TMEFF1: variants seen among roughly 807,000 people sequenced by gnomAD.
TMEFF1 encodes the protein tomoregulin-1.
In TMEFF1, 20 loss-of-function variants were observed where a neutral mutation model predicts 47.5. The ratio of observed to expected loss-of-function variants is 0.42; its 90% CI spans 0.30 to 0.61. TMEFF1 has a LOEUF of 0.61. Among genes scored for constraint, TMEFF1 ranks in the 20% least tolerant of loss-of-function variants. TMEFF1 has a pLI of 0.19. For synonymous variants in TMEFF1, 162 were observed against 166.3 expected (o/e 0.97, Z 0.20); for missense variants, 411 against 471.1 (o/e 0.87, Z 1.18).
At position 100,526,800 on chromosome 9, in the gene TMEFF1, A is replaced by G. The variant is rs536414181; in HGVS notation, c.560+10029A>G. Among the ~76,000 whole-genome samples the G allele has an allele frequency of 1.3e-5, 2 of 151,620 alleles. 1 individual carries two copies. The highest frequency in any genetic ancestry group is 4.8e-5 in the African/African-American group (2 of 41,338). On this transcript the variant is annotated intron_variant, in intron 5 of 9. Transcript: ENST00000374879. ...GGGAGTGTTTTTTTCTAGTCTCTGG[A>G]TGACTTTGTGTAAGAGTGAAATTAT...
rs540883401 is a variant in TMEFF1, at chr9:100,529,885, C to A, written c.560+13114C>A. Among the ~76,000 whole-genome samples the A allele has an allele frequency of 2.0e-3, 308 of 152,250 alleles. 2 individuals are homozygous for A. The highest frequency in any genetic ancestry group is 2.7e-3 in the Non-Finnish European group (185 of 68,028). On this transcript the variant is annotated intron_variant, in intron 5 of 9. Transcript: ENST00000374879. ...AAATGTAAAAGAACAGAAATTATAA[C>A]AAATTATCTCTCAGACCGCAGTGCA...
At chr9:100,526,030 C>T (rs995944456) in intron 5 of TMEFF1, among the ~76,000 whole-genome samples, 1 of 152,140 alleles carries the variant, frequency 6.6e-6, no homozygotes, top group African/African-American at 2.4e-5. Flanking sequence ...ATTTTAAAAA[C>T]GTTTGAGACC....
Position 100,560,984 on chromosome 9 carries a change from A to G in TMEFF1, c.776-413A>G, listed in dbSNP as rs182848488. ...TGTCATTCAGTGTTCTTTGGCCTCA[A>G]TTTCATAGCCCTCAAATAAATGATT... On this transcript the variant is annotated intron_variant, in intron 7 of 9. Transcript: ENST00000374879. Among the ~76,000 whole-genome samples the G allele has an allele frequency of 3.3e-5, 5 of 152,258 alleles. No individual in the cohort carries two copies. In the East Asian group the frequency reaches 5.8e-4, roughly 18 times the overall value.
intron 7 of TMEFF1, among the ~76,000 whole-genome samples, chr9:100,559,404 G>A (rs867028024): frequency 2.6e-5 from 4 of 152,244 alleles, no homozygotes; most frequent in Middle Eastern, 3.4e-3. Context: ...TTAGTGATCT[G>A]TTTTGCACTT....
Position 100,473,388 on chromosome 9 carries a change from G to T in TMEFF1, c.-157G>T, listed in dbSNP as rs1002421842. On this transcript the variant is annotated 5_prime_UTR_variant, in exon 1 of 10. Coordinates refer to ENST00000374879, the MANE Select transcript of TMEFF1 (RefSeq NM_003692.5). This position sits in a 1 kb window ranked among gnomAD's most constrained non-coding sequence, Gnocchi z 5.4. ...CGAGCGCCGCGGGCCCGGGCCTGGC[G>T]GACGCTGCGGGTGGGGCGGGGATGC... 8 of 472,106 alleles carry T rather than the reference G, an allele frequency of 1.7e-5. No individual in the cohort carries two copies. The highest frequency in any genetic ancestry group is 2.5e-5 in the Non-Finnish European group (8 of 315,274). 29.2% of individuals were successfully genotyped at this position (472,106 alleles called of 1,614,324 possible). A position where few individuals can be genotyped will look rare whatever the true frequency, so the allele number is the denominator to read the frequency against.
chr9:100,518,552 A>G (rs933029119), intron 5 of TMEFF1: 5 of 962,598 alleles, frequency 5.2e-6, no homozygotes, highest in East Asian at 1.1e-4. Context: ...AGGCAAGGAA[A>G]TTGATGCAAC....
In TMEFF1 at chr9:100,473,430, G is replaced by C; in HGVS notation, c.-115G>C. On this transcript the variant is annotated 5_prime_UTR_variant, in exon 1 of 10. Transcript: ENST00000374879. The surrounding 1 kb of genome is among the most constrained non-coding windows in gnomAD (Gnocchi z 5.4). ...CGGGGATGCTGACGGGCTGCTCCCC[G>C]GCTCAGCGGCGCGGCTGCTAGGAGG... The C allele has an allele frequency of 1.2e-6, 1 of 804,168 alleles. No homozygotes were observed. 49.8% of individuals were successfully genotyped at this position (804,168 alleles called of 1,614,324 possible).
At chr9:100,495,013 GA>G in intron 1 of TMEFF1, among the ~76,000 whole-genome samples, 1 of 151,950 alleles carries the variant, frequency 6.6e-6, no homozygotes. Context: ...AAACATAAAT[GA>G]AAAAACCCCT....
rs143542047 is a variant in TMEFF1, at chr9:100,526,861, A to G, written c.560+10090A>G. Among the ~76,000 whole-genome samples, 684 of 146,854 alleles carry G rather than the reference A, an allele frequency of 4.7e-3. 4 individuals carry two copies. The highest frequency in any genetic ancestry group is 0.016 in the African/African-American group (628 of 39,434). The stretch of plus-strand genomic sequence containing the variant: ...CCGGGCATGGTGCACATGCCTGTCA[A>G]TGCTTTGGGAGACCGAGGTGGGCAG... On this transcript the variant is annotated intron_variant, in intron 5 of 9. Transcript: ENST00000374879.
chr9:100,575,633 T>C (rs771622915), intron 9 of TMEFF1, among the ~76,000 whole-genome samples: 1 of 152,098 alleles, frequency 6.6e-6, no homozygotes, highest in African/African-American at 2.4e-5. Context: ...AAATGAGGAG[T>C]ACTCATTGTT....
chr9:100,535,542 G>T (rs1008400901), intron 5 of TMEFF1, among the ~76,000 whole-genome samples: 2 of 152,194 alleles, frequency 1.3e-5, no homozygotes, highest in African/African-American at 4.8e-5. Flanking sequence ...AGGCCGAGGT[G>T]GGGGAATCAC....
At chr9:100,476,260 T>C (rs1427994722) in intron 1 of TMEFF1, among the ~76,000 whole-genome samples, 6 of 152,296 alleles carry the variant, frequency 3.9e-5, no homozygotes, top group East Asian at 1.9e-4. Context: ...AAAAAAAATT[T>C]TTTTAGTTGG....
intron 9 of TMEFF1, among the ~76,000 whole-genome samples, chr9:100,573,890 A>C (rs1409011413): frequency 1.3e-5 from 2 of 152,274 alleles, no homozygotes; most frequent in African/African-American, 4.8e-5. Context: ...ACGGTAGATC[A>C]AAGTAGGGAC....
At chr9:100,526,282 A>G (rs771683851) in intron 5 of TMEFF1, among the ~76,000 whole-genome samples, 27 of 152,096 alleles carry the variant, frequency 1.8e-4, no homozygotes, top group Non-Finnish European at 4.0e-4. Flanking sequence ...GTGTAGTGAT[A>G]TCTCACAATG....
chr9:100,540,822 A>G (rs1279983831), intron 5 of TMEFF1, among the ~76,000 whole-genome samples: 1 of 152,140 alleles, frequency 6.6e-6, no homozygotes, highest in Non-Finnish European at 1.5e-5. Context: ...CTGATTCTTA[A>G]TGAGGTTGAA....
chr9:100,552,799 C>G (rs956570269), intron 7 of TMEFF1, among the ~76,000 whole-genome samples: 2 of 150,970 alleles, frequency 1.3e-5, no homozygotes, highest in African/African-American at 4.9e-5. Context: ...GAGGTTGAGG[C>G]TGCAGTCAAC....
chr9:100,539,144 G>A (rs1468560652), intron 5 of TMEFF1, among the ~76,000 whole-genome samples: 2 of 152,188 alleles, frequency 1.3e-5, no homozygotes, highest in Non-Finnish European at 1.5e-5. Context: ...GATCTCAAGT[G>A]ATCCGCCTGC....
intron 1 of TMEFF1, among the ~76,000 whole-genome samples, chr9:100,481,093 T>A (rs1299968317): frequency 6.6e-6 from 1 of 152,240 alleles, no homozygotes; most frequent in Non-Finnish European, 1.5e-5. Flanking sequence ...TTGTTTGCTC[T>A]AATGTCACCT....
At position 100,522,208 on chromosome 9, in the gene TMEFF1, C is replaced by G. The variant is rs573822514; in HGVS notation, c.560+5437C>G. On this transcript the variant is annotated intron_variant, in intron 5 of 9. Coordinates refer to ENST00000374879, the MANE Select transcript of TMEFF1 (RefSeq NM_003692.5). ...TTCTATCCTTCTGTTTTTATTTCCT[C>G]CTAATCAGAGATGGCAGTAATTTTT... 8.5e-4 allele frequency among the ~76,000 whole-genome samples: 129 copies of G among 152,244 alleles called. 1 individual carries two copies. The highest frequency in any genetic ancestry group is 1.6e-3 in the Non-Finnish European group (106 of 68,014).
Sources: gnomAD v4.1 joint callset for allele counts (sites outside exome capture counted in the v4.1 genomes callset) on GRCh38, gnomAD v4.1.1 for gene constraint, Gnocchi (gnomAD v3.1) non-coding constraint, MANE v1.5 for transcripts, NCBI Gene and HGNC (gene_info 2026-07-23, HGNC 2026-07-21) for gene names.